CWC15: variants seen among roughly 807,000 people sequenced by gnomAD.
CWC15 encodes CWC15 spliceosome associated protein.
Under a neutral mutation model 28.4 loss-of-function variants are expected in CWC15, and 12 were observed. The observed-to-expected ratio is 0.42, with a 90% CI of 0.27 to 0.69. CWC15 has a LOEUF of 0.69. Ranked by LOEUF, CWC15 falls within the 30% of genes least tolerant of loss-of-function variation. The pLI, the probability that CWC15 is intolerant of heterozygous loss-of-function variation, is 0.23. For missense variants in CWC15, 192 were observed against 271.5 expected, an observed-to-expected ratio of 0.71 and a Z score of 2.06; for synonymous variants, 92 against 88.4, an observed-to-expected ratio of 1.04 and a Z score of -0.23.
chr11:94,970,747 T>C (rs1485389155), intron 4 of CWC15: 1 of 516,678 alleles, frequency 1.9e-6, no homozygotes, highest in African/African-American at 1.9e-5. Context: ...CTTTTATAGA[T>C]TCCTTCCATA....
Position 94,966,154 on chromosome 11 carries a change from T to C in CWC15, c.560+141A>G. ...TATCAGTGAATGGACGGTGGACTTT[T>C]AGAAGCTTTTTACAATGCACCTTGC... On this transcript the variant is annotated intron_variant, in intron 6 of 6. Coordinates refer to ENST00000279839, the MANE Select transcript of CWC15 (RefSeq NM_016403.4). 4 of 566,336 alleles carry C rather than the reference T, an allele frequency of 7.1e-6. No individual in the cohort carries two copies. In the South Asian group the frequency reaches 7.5e-5, roughly 11 times the overall value. 35.1% of individuals were successfully genotyped at this position (566,336 alleles called of 1,614,324 possible).
In CWC15 at chr11:94,971,053, G is replaced by A; in HGVS notation, c.257C>T (p.Ser86Phe). The A allele has an allele frequency of 1.2e-6, 2 of 1,613,540 alleles. No homozygotes were observed. The highest frequency in any genetic ancestry group is 1.7e-6 in the Non-Finnish European group (2 of 1,179,506). The part of the protein sequence containing the change: ...RDRPTREHTT[S>F]SSVSKKPRLD... Reference sequence around the variant, plus strand: ...CCGTGGCTTTTTTGACACTGAAGAGGAGGTTGTATGTTCTGGGGGGAAACA... The same window carrying A: ...CCGTGGCTTTTTTGACACTGAAGAGAAGGTTGTATGTTCTGGGGGGAAACA... The change falls in exon 4 of 7, where the codon TCC (serine) becomes TTC (phenylalanine). Residue 86 changes from serine (S) to phenylalanine (F), a missense_variant. By Grantham distance (155) the Ser-to-Phe change is radical (BLOSUM62 -2). Around this residue, in one of 2 missense-constraint regions of CWC15, gnomAD observed 188 missense variants for 250.3 expected, o/e 0.75. Coordinates refer to ENST00000279839, the MANE Select transcript of CWC15 (RefSeq NM_016403.4).
chr11:94,973,041 A>AT (rs1191458289), intron 1 of CWC15, among the ~76,000 whole-genome samples: 8 of 59,100 alleles, frequency 1.4e-4, no homozygotes, highest in East Asian at 1.2e-3. Context: ...AATTGGGAGG[A>AT]TTTTTTGGGG....
At chr11:94,966,224 T>C (rs1021631300) in intron 6 of CWC15, 71 bp downstream of exon 6, 34 of 734,200 alleles carry the variant, frequency 4.6e-5, no homozygotes, top group East Asian at 4.0e-4. Context: ...CACATACACA[T>C]ATACACACAC....
intron 5 of CWC15, among the ~76,000 whole-genome samples, chr11:94,967,973 G>A (rs1481520061): frequency 6.6e-6 from 1 of 152,138 alleles, no homozygotes; most frequent in African/African-American, 2.4e-5. Flanking sequence ...TTTTATGTTT[G>A]GAATATTATT....
intron 2 of CWC15, 48 bp from the exon 3 acceptor site, chr11:94,971,535 C>CAT (rs386374528): frequency 1.6e-5 from 17 of 1,041,666 alleles, no homozygotes; most frequent in Non-Finnish European, 2.2e-5. Context: ...AACACACACA[C>CAT]ACACACACAC....
chr11:94,971,268 T>A (rs1171203958), intron 3 of CWC15, 107 bp downstream of exon 3: 43 of 1,017,574 alleles, frequency 4.2e-5, no homozygotes, highest in Non-Finnish European at 3.0e-5. Flanking sequence ...ACAGCTCACA[T>A]CAATCTGTAA....
rs1295362599 is a variant in CWC15 at position 94,966,348 on chromosome 11, G to A, written c.507C>T (p.Leu169=). The A allele has an allele frequency of 6.4e-6, 10 of 1,559,942 alleles. No homozygotes were observed. The highest frequency in any genetic ancestry group is 1.2e-5 in the South Asian group (1 of 84,598). Residue 169 remains leucine (L), a synonymous_variant, in exon 6 of 7, where the codon CTC becomes CTT. Coordinates refer to ENST00000279839, the MANE Select transcript of CWC15 (RefSeq NM_016403.4). ...RMENILSGNP[L]LNLTGPSQPQ... ...GCTGGGATGGGCCAGTGAGATTAAG[G>A]AGAGGGTTTCCGCTCAGAATGTTTT...
chr11:94,966,222 CAT>C (rs1244983917), intron 6 of CWC15, 71 bp downstream of exon 6: 464 of 740,152 alleles, frequency 6.3e-4, no homozygotes, highest in East Asian at 5.4e-3. Context: ...TACACATACA[CAT>C]ATACACACAC....
Position 94,963,239 on chromosome 11 carries a change from A to C in CWC15, c.*146T>G. On this transcript the variant is annotated 3_prime_UTR_variant, in exon 7 of 7. Coordinates refer to ENST00000279839, the MANE Select transcript of CWC15 (RefSeq NM_016403.4). ...CTATTCCCAAGTCCATTATCAAGTA[A>C]GGTATCACTAAAGAAAAAGATAGGA... 1 of 531,438 alleles carries C rather than the reference A, an allele frequency of 1.9e-6. No homozygotes were observed. The highest frequency in any genetic ancestry group is 3.3e-5 in the East Asian group (1 of 30,468). 32.9% of individuals were successfully genotyped at this position (531,438 alleles called of 1,614,324 possible).
rs376383487 is a variant in CWC15, at chr11:94,972,027, G to A, written c.131+28C>T. The A allele has an allele frequency of 1.1e-4, 183 of 1,596,868 alleles. 1 individual carries two copies. In the East Asian group the frequency reaches 3.5e-3, roughly 31 times the overall value. On this transcript the variant is annotated intron_variant, in intron 2 of 6. Coordinates refer to ENST00000279839, the MANE Select transcript of CWC15 (RefSeq NM_016403.4). ...TTTAACAGATCTGGTCTTGTTTTGTGAACAATAAAAAAAGAAAGTCTTACT... is the reference window on the plus strand; with the variant it reads ...TTTAACAGATCTGGTCTTGTTTTGTAAACAATAAAAAAAGAAAGTCTTACT...
At chr11:94,967,707 A>C (rs782799718) in intron 5 of CWC15, among the ~76,000 whole-genome samples, 2 of 152,244 alleles carry the variant, frequency 1.3e-5, no homozygotes, top group African/African-American at 4.8e-5. Context: ...GAAGAAAAAT[A>C]AAAATCAAAA....
At chr11:94,973,417 C>T (rs1257143879) in intron 1 of CWC15, 81 bp downstream of exon 1, 4 of 152,994 alleles carry the variant, frequency 2.6e-5, no homozygotes, top group African/African-American at 9.6e-5. Context: ...GCTCTGCACT[C>T]TGCCGCCGAC....
Position 94,972,046 on chromosome 11 carries a change from T to C in CWC15, c.131+9A>G. 6.2e-7 allele frequency: 1 copy of C among 1,607,734 alleles called. No homozygotes were observed. The highest frequency in any genetic ancestry group is 8.5e-7 in the Non-Finnish European group (1 of 1,177,574). ...TTTTGTGAACAATAAAAAAAGAAAG[T>C]CTTACTACCTGTATTTTATCTTTGT... On this transcript the variant is annotated intron_variant, in intron 2 of 6. Coordinates refer to ENST00000279839, the MANE Select transcript of CWC15 (RefSeq NM_016403.4).
rs1411273428 is a variant in CWC15 at position 94,966,265 on chromosome 11, ACAC to A, written c.560+27_560+29del. 10 of 1,106,296 alleles carry A rather than the reference ACAC, an allele frequency of 9.0e-6. No individual in the cohort carries two copies. In the Admixed American group the frequency reaches 2.0e-4, roughly 22 times the overall value. 68.5% of individuals were successfully genotyped at this position (1,106,296 alleles called of 1,614,324 possible). A position where few individuals can be genotyped will look rare whatever the true frequency, so the allele number is the denominator to read the frequency against. Reference sequence around the variant, plus strand: ...CACACACACACACACACACACACACACACTCCATTACTCCGTTACTGTATAGTA... The same window carrying A: ...CACACACACACACACACACACACACATCCATTACTCCGTTACTGTATAGTA... On this transcript the variant is annotated intron_variant, in intron 6 of 6. Transcript: ENST00000279839.
chr11:94,964,481 T>C (rs1555094931), intron 6 of CWC15, among the ~76,000 whole-genome samples: 1 of 152,166 alleles, frequency 6.6e-6, no homozygotes, highest in Non-Finnish European at 1.5e-5. Flanking sequence ...CCAATTCCAT[T>C]TACATTCAAA....
chr11:94,969,451 GC>G (rs1857688058), intron 5 of CWC15, among the ~76,000 whole-genome samples: 1 of 152,102 alleles, frequency 6.6e-6, no homozygotes, highest in Admixed American at 6.5e-5. Flanking sequence ...ACTTGCACTT[GC>G]CTCCTCAGTT....
At chr11:94,972,701 T>G (rs1565415070) in intron 1 of CWC15, among the ~76,000 whole-genome samples, 1 of 152,074 alleles carries the variant, frequency 6.6e-6, no homozygotes, top group Non-Finnish European at 1.5e-5. Context: ...ACAAAAAATA[T>G]CACTGACAAA....
At chr11:94,971,538 A>C in intron 2 of CWC15, 51 bp from the exon 3 acceptor site, 1 of 1,042,880 alleles carries the variant, frequency 9.6e-7, no homozygotes, top group Non-Finnish European at 1.4e-6. Context: ...ACACACACAC[A>C]CACACACAGA....
Sources: allele counts gnomAD v4.1 joint callset (sites outside exome capture counted in the v4.1 genomes callset), GRCh38; gene constraint gnomAD v4.1.1; regional missense constraint gnomAD v4.1.1; transcripts MANE v1.5; gene names NCBI Gene and HGNC (gene_info 2026-07-23, HGNC 2026-07-21).